The following CLMP variants were observed in gnomAD, a reference collection of about 807,000 sequenced individuals.
CLMP encodes the protein CXADR-like membrane protein.
A neutral mutation model predicts 45.2 loss-of-function variants in CLMP; 27 were observed. The observed-to-expected ratio is 0.60, with a 90% CI of 0.44 to 0.82. CLMP has a LOEUF of 0.82. CLMP is among the 40% of genes least tolerant of loss of function. The pLI, the probability that CLMP is intolerant of heterozygous loss-of-function variation, is 0.00. For missense variants in CLMP, 403 were observed against 448.4 expected, an observed-to-expected ratio of 0.90 and a Z score of 0.91; for synonymous variants, 167 against 171.4, an observed-to-expected ratio of 0.97 and a Z score of 0.20.
At chr11:123,108,769 C>T (rs1363156933) in intron 1 of CLMP, among the ~76,000 whole-genome samples, 1 of 152,068 alleles carries the variant, frequency 6.6e-6, no homozygotes. Context: ...AAATGATCAA[C>T]TTGGCTGGGC....
At chr11:123,155,393 C>T (rs1033609063) in intron 1 of CLMP, among the ~76,000 whole-genome samples, 5 of 152,106 alleles carry the variant, frequency 3.3e-5, no homozygotes, top group African/African-American at 4.8e-5. Context: ...GTGGGAACAG[C>T]GAGGTGGTGA....
chr11:123,094,999 C>G (rs1314865137), intron 2 of CLMP, among the ~76,000 whole-genome samples: 1 of 152,132 alleles, frequency 6.6e-6, no homozygotes, highest in African/African-American at 2.4e-5. Flanking sequence ...ACTATGATGT[C>G]TTCTTCACTA....
rs1472743167 is a variant in CLMP, at chr11:123,071,068, A to G, written c.*2406T>C. The G allele has an allele frequency of 1.3e-5, 2 of 152,216 alleles. No homozygotes were observed. Among genetic ancestry groups the G allele is most frequent in the African/African-American group, 4.8e-5 (2 of 41,440 alleles). 9.4% of individuals were successfully genotyped at this position (152,216 alleles called of 1,614,324 possible). A position where few individuals can be genotyped will look rare whatever the true frequency, so the allele number is the denominator to read the frequency against. On this transcript the variant is annotated 3_prime_UTR_variant, in exon 7 of 7. Coordinates refer to ENST00000448775, the MANE Select transcript of CLMP (RefSeq NM_024769.5). The stretch of plus-strand genomic sequence containing the variant: ...TTTCCTCTTTAAGCATCTGCTTCCC[A>G]TTTTAGAAACATGCTTTCATCACCA...
At chr11:123,120,301 G>A (rs1409950907) in intron 1 of CLMP, among the ~76,000 whole-genome samples, 2 of 152,068 alleles carry the variant, frequency 1.3e-5, no homozygotes, top group Non-Finnish European at 2.9e-5. Flanking sequence ...AATAATTCAT[G>A]TCATTTTCCC....
At chr11:123,118,088 C>T (rs976502735) in intron 1 of CLMP, among the ~76,000 whole-genome samples, 1 of 152,106 alleles carries the variant, frequency 6.6e-6, no homozygotes, top group Admixed American at 6.6e-5. Flanking sequence ...TTTTAAGTGG[C>T]TTTAAAACAA....
chr11:123,167,462 T>G (rs1861573140), intron 1 of CLMP, among the ~76,000 whole-genome samples: 1 of 152,112 alleles, frequency 6.6e-6, no homozygotes, highest in African/African-American at 2.4e-5. Flanking sequence ...ATTTTTTGTA[T>G]TTTTAGTAGA....
chr11:123,152,263 CCTGTAATCCCAGCACTTTGGGAGG>C (rs1319849941), intron 1 of CLMP, among the ~76,000 whole-genome samples: 1 of 152,094 alleles, frequency 6.6e-6, no homozygotes, highest in Non-Finnish European at 1.5e-5. Flanking sequence ...GTGGCTCATG[CCTGTAATCCCAGCACTTTGGGAGG>C]CTGAGATGGG....
Position 123,082,642 on chromosome 11 carries a change from A to G in CLMP, c.679+443T>C, listed in dbSNP as rs148433696. Among the ~76,000 whole-genome samples the G allele has an allele frequency of 3.8e-3, 553 of 144,726 alleles. 2 individuals are homozygous for G. The highest frequency in any genetic ancestry group is 0.014 in the African/African-American group (531 of 38,540). The allele number at this position is 144,726 out of a possible 152,430, so 94.9% of individuals were successfully genotyped here. ...GTTTTTTTTTTTGAGAGGGAGTCTCAGTCTGTCACCCAGACTGGAGTGCAG... is the reference window on the plus strand; with the variant it reads ...GTTTTTTTTTTTGAGAGGGAGTCTCGGTCTGTCACCCAGACTGGAGTGCAG... On this transcript the variant is annotated intron_variant, in intron 5 of 6. Transcript: ENST00000448775.
intron 1 of CLMP, among the ~76,000 whole-genome samples, chr11:123,137,860 T>C (rs1472224021): frequency 5.3e-5 from 8 of 152,230 alleles, no homozygotes; most frequent in Non-Finnish European, 7.3e-5. Context: ...ACCAGGGGAC[T>C]GGCTGCGGCT....
At chr11:123,103,889 G>A (rs940987044) in intron 1 of CLMP, among the ~76,000 whole-genome samples, 6 of 147,642 alleles carry the variant, frequency 4.1e-5, no homozygotes, top group Non-Finnish European at 7.4e-5. Flanking sequence ...GAGTGCAGTC[G>A]CGCAATCTCG....
intron 1 of CLMP, among the ~76,000 whole-genome samples, chr11:123,122,286 C>T (rs753742826): frequency 3.3e-5 from 5 of 152,176 alleles, no homozygotes; most frequent in Non-Finnish European, 7.3e-5. Context: ...ACTGGGATTA[C>T]AGGCGTGAGC....
At chr11:123,147,963 C>CTAT (rs1462712903) in intron 1 of CLMP, among the ~76,000 whole-genome samples, 1 of 152,076 alleles carries the variant, frequency 6.6e-6, no homozygotes, top group Non-Finnish European at 1.5e-5. Context: ...TAGGCATGAG[C>CTAT]CACCGTGCGT....
At chr11:123,130,241 A>AG (rs1466110143) in intron 1 of CLMP, among the ~76,000 whole-genome samples, 30 of 152,198 alleles carry the variant, frequency 2.0e-4, no homozygotes, top group Middle Eastern at 3.4e-3. Flanking sequence ...GGGGAGTCCA[A>AG]GGGATGTAAC....
intron 1 of CLMP, among the ~76,000 whole-genome samples, chr11:123,156,237 T>G (rs1861413048): frequency 6.6e-6 from 1 of 152,218 alleles, no homozygotes; most frequent in Admixed American, 6.5e-5. Flanking sequence ...AAGATAGACC[T>G]CACCTGACAC....
intron 1 of CLMP, among the ~76,000 whole-genome samples, chr11:123,179,749 C>G (rs573898517): frequency 6.6e-6 from 1 of 152,304 alleles, no homozygotes; most frequent in South Asian, 2.1e-4. Flanking sequence ...TTGGGCTTGC[C>G]GGGGGTTCAA....
At position 123,110,619 on chromosome 11, in the gene CLMP, G is replaced by GA. The variant is rs1005131541; in HGVS notation, c.29-12668dup. Among the ~76,000 whole-genome samples the GA allele has an allele frequency of 1.3e-3, 195 of 150,700 alleles. 1 individual carries two copies. Among genetic ancestry groups the GA allele is most frequent in the African/African-American group, 3.6e-3 (149 of 41,100 alleles). ...GAGCAACAGACCGAAACTTCTCAAA[G>GA]AAAAAAAAATGGTGTTGGTACAAAG... On this transcript the variant is annotated intron_variant, in intron 1 of 6. Coordinates refer to ENST00000448775, the MANE Select transcript of CLMP (RefSeq NM_024769.5).
intron 1 of CLMP, among the ~76,000 whole-genome samples, chr11:123,102,128 G>C (rs1173573327): frequency 6.6e-6 from 1 of 151,738 alleles, no homozygotes; most frequent in Non-Finnish European, 1.5e-5. Flanking sequence ...AGGCTGTTGT[G>C]AGCCATGATT....
rs74947724 is a variant in CLMP at position 123,116,126 on chromosome 11, G to A, written c.29-18174C>T. ...TGCAAAAAAGAGCACAAGATGAGACGTCTCAGAGGAGACGTCTAATCTCTG... is the reference window on the plus strand; with the variant it reads ...TGCAAAAAAGAGCACAAGATGAGACATCTCAGAGGAGACGTCTAATCTCTG... On this transcript the variant is annotated intron_variant, in intron 1 of 6. Coordinates refer to ENST00000448775, the MANE Select transcript of CLMP (RefSeq NM_024769.5). Among the ~76,000 whole-genome samples, 1,333 of 152,002 alleles carry A rather than the reference G, an allele frequency of 8.8e-3. 21 individuals carry two copies. Among genetic ancestry groups the A allele is most frequent in the African/African-American group, 0.031 (1,276 of 41,444 alleles).
intron 1 of CLMP, among the ~76,000 whole-genome samples, chr11:123,101,583 T>C (rs918843080): frequency 6.6e-6 from 1 of 152,212 alleles, no homozygotes; most frequent in Non-Finnish European, 1.5e-5. Flanking sequence ...GGGCTGAGAC[T>C]GCTGGGGAGG....
Sources: gnomAD v4.1 joint callset for allele counts (sites outside exome capture counted in the v4.1 genomes callset) on GRCh38, gnomAD v4.1.1 for gene constraint, MANE v1.5 for transcripts, NCBI Gene and HGNC (gene_info 2026-07-23, HGNC 2026-07-21) for gene names.